NLK: variants seen among roughly 807,000 people sequenced by gnomAD.
NLK encodes nemo like kinase.
In NLK, 11 loss-of-function variants were observed where a neutral mutation model predicts 59.0. The ratio of observed to expected loss-of-function variants is 0.19; its 90% confidence interval spans 0.12 to 0.31. The LOEUF is 0.31. NLK is among the 10% of genes least tolerant of loss of function. The pLI, the probability that NLK is intolerant of heterozygous loss-of-function variation, is 1.00. For synonymous variants in NLK, 235 were observed against 235.9 expected (o/e 1.00, Z 0.03); for missense variants, 410 against 661.1 (o/e 0.62, Z 4.16).
intron 3 of NLK, among the ~76,000 whole-genome samples, chr17:28,147,971 G>A (rs1251972364): frequency 1.3e-5 from 2 of 151,894 alleles, no homozygotes; most frequent in Non-Finnish European, 2.9e-5. Flanking sequence ...AATAAAAGAA[G>A]GAAAGAAATG....
intron 8 of NLK, among the ~76,000 whole-genome samples, chr17:28,187,361 C>T (rs1370348323): frequency 2.0e-5 from 3 of 152,056 alleles, no homozygotes; most frequent in African/African-American, 7.2e-5. Context: ...TGGAGTGCAG[C>T]AGCGCAATCT....
intron 1 of NLK, among the ~76,000 whole-genome samples, chr17:28,058,918 G>A (rs950172528): frequency 3.2e-4 from 49 of 152,092 alleles, no homozygotes; most frequent in African/African-American, 1.2e-3. Context: ...TTGAGCTCAC[G>A]AGATCAAGAC....
chr17:28,162,068 T>G (rs980633914), intron 4 of NLK, among the ~76,000 whole-genome samples: 11 of 152,136 alleles, frequency 7.2e-5, no homozygotes, highest in Non-Finnish European at 5.9e-5. Flanking sequence ...TAGGCTAGAG[T>G]GCAGTGGTGC....
chr17:28,066,979 C>T (rs1269671899), intron 1 of NLK, among the ~76,000 whole-genome samples: 1 of 152,128 alleles, frequency 6.6e-6, no homozygotes, highest in East Asian at 1.9e-4. Flanking sequence ...ATGATCTTTA[C>T]ATATTCCGGA....
chr17:28,202,238 A>T, the NLK span, among the ~76,000 whole-genome samples: 1 of 152,158 alleles, frequency 6.6e-6, no homozygotes, highest in Non-Finnish European at 1.5e-5. Context: ...CTCTAAAAAA[A>T]TTTTTTTAAA....
chr17:28,165,609 G>A (rs972497783), intron 5 of NLK, among the ~76,000 whole-genome samples: 3 of 152,044 alleles, frequency 2.0e-5, no homozygotes, highest in Non-Finnish European at 2.9e-5. Context: ...CTTCCATATC[G>A]TGAATGTATT....
chr17:28,139,668 A>G (rs1011739309), intron 3 of NLK, among the ~76,000 whole-genome samples: 2 of 152,238 alleles, frequency 1.3e-5, no homozygotes, highest in African/African-American at 4.8e-5. Context: ...ACCCTATCCT[A>G]AATTACTTTA....
At chr17:28,184,263 T>G (rs770417873) in intron 7 of NLK, among the ~76,000 whole-genome samples, 1 of 152,274 alleles carries the variant, frequency 6.6e-6, no homozygotes, top group Non-Finnish European at 1.5e-5. Context: ...AGCACCTTTA[T>G]GGTAATGTCA....
intron 2 of NLK, among the ~76,000 whole-genome samples, chr17:28,125,469 A>T (rs1906254369): frequency 1.3e-5 from 2 of 152,196 alleles, no homozygotes; most frequent in Non-Finnish European, 2.9e-5. Context: ...CAGAAATTAA[A>T]TTTTTTTAAT....
In NLK at chr17:28,066,082, T is replaced by C. The variant is rs565579984; in HGVS notation, c.458+22751T>C. 2.0e-5 allele frequency among the ~76,000 whole-genome samples: 3 copies of C among 152,322 alleles called. No individual in the cohort carries two copies. The East Asian group carries it at 5.8e-4, about 29-fold the overall frequency. On this transcript the variant is annotated intron_variant, in intron 1 of 10. Transcript: ENST00000407008. The stretch of plus-strand genomic sequence containing the variant: ...TTACTTTTCAGTCTCCAGATCCTGT[T>C]CTCTTCCAGTTTTTCCAGAGGCTTT...
At chr17:28,156,001 G>C (rs1907694636) in intron 3 of NLK, among the ~76,000 whole-genome samples, 1 of 151,982 alleles carries the variant, frequency 6.6e-6, no homozygotes, top group African/African-American at 2.4e-5. Context: ...TCATCAAAAT[G>C]TTCTAAATTC....
At chr17:28,111,896 GGTGTGT>G (rs747211468) in intron 1 of NLK, among the ~76,000 whole-genome samples, 1,288 of 67,232 alleles carry the variant, frequency 0.019, 18 homozygotes, top group African/African-American at 0.032. Context: ...GTGTGTGTGT[GGTGTGT>G]GTGTGTGTGT....
chr17:28,178,766 G>A (rs749278249), intron 7 of NLK, among the ~76,000 whole-genome samples: 6 of 152,188 alleles, frequency 3.9e-5, no homozygotes, highest in Non-Finnish European at 8.8e-5. Flanking sequence ...GGGGATTTAT[G>A]TCACCCCAGA....
intron 1 of NLK, among the ~76,000 whole-genome samples, chr17:28,079,933 A>T (rs1910289001): frequency 6.6e-6 from 1 of 152,120 alleles, no homozygotes; most frequent in African/African-American, 2.4e-5. Flanking sequence ...TCTTCTAGGA[A>T]CTTTATTGTT....
intron 3 of NLK, among the ~76,000 whole-genome samples, chr17:28,151,894 T>C (rs1907496120): frequency 6.6e-6 from 1 of 152,246 alleles, no homozygotes; most frequent in South Asian, 2.1e-4. Context: ...CCTGCTAGTT[T>C]ATATTTTGTG....
At chr17:28,167,341 G>T (rs1908276935) in intron 5 of NLK, among the ~76,000 whole-genome samples, 1 of 151,496 alleles carries the variant, frequency 6.6e-6, no homozygotes, top group African/African-American at 2.4e-5. Context: ...GGCTCAAGCA[G>T]TCCTCCCACC....
intron 1 of NLK, among the ~76,000 whole-genome samples, chr17:28,121,392 A>G (rs200762355): frequency 5.6e-3 from 136 of 24,438 alleles, no homozygotes; most frequent in African/African-American, 9.4e-3. Flanking sequence ...AGAAGGGGGG[A>G]AAAAAAAAAA....
At chr17:28,200,600 C>A (rs1466303664), downstream of NLK, among the ~76,000 whole-genome samples, 2 of 152,212 alleles carry the variant, frequency 1.3e-5, no homozygotes, top group Admixed American at 6.5e-5. Context: ...TCTCCTGCCT[C>A]AGCCTCCCAA....
At chr17:28,130,136 A>G (rs1236454551) in intron 2 of NLK, among the ~76,000 whole-genome samples, 1 of 152,204 alleles carries the variant, frequency 6.6e-6, no homozygotes, top group Non-Finnish European at 1.5e-5. Context: ...CAAAGTCTTT[A>G]CAAGCACGTA....
Sources: allele counts gnomAD v4.1 joint callset (sites outside exome capture counted in the v4.1 genomes callset), GRCh38; gene constraint gnomAD v4.1.1; transcripts MANE v1.5; gene names NCBI Gene and HGNC (gene_info 2026-07-23, HGNC 2026-07-21).